Variants in SLC9A9 observed in about 807,000 individuals in gnomAD.
The protein encoded by SLC9A9 is sodium/hydrogen exchanger 9.
A neutral mutation model predicts 77.8 loss-of-function variants in SLC9A9; 62 were observed. The ratio of observed to expected loss-of-function variants is 0.80; its 90% CI spans 0.65 to 0.98. SLC9A9 has a LOEUF of 0.98. SLC9A9 is among the 50% of genes least tolerant of loss of function. The pLI is 0.00. For synonymous variants in SLC9A9, 320 were observed against 283.5 expected (o/e 1.13, Z -1.29); for missense variants, 775 against 774.9 (o/e 1.00, Z 0.00).
chr3:143,575,738 G>T (rs1018065560), intron 7 of SLC9A9, among the ~76,000 whole-genome samples: 3 of 152,138 alleles, frequency 2.0e-5, no homozygotes, highest in Admixed American at 6.6e-5. Flanking sequence ...ACAGCAATCA[G>T]CTATCTAACA....
intron 3 of SLC9A9, among the ~76,000 whole-genome samples, chr3:143,795,580 T>A (rs2108858689): frequency 6.6e-6 from 1 of 152,292 alleles, no homozygotes; most frequent in African/African-American, 2.4e-5. Flanking sequence ...TTTAAAAATC[T>A]ACAACAGCCT....
chr3:143,531,049 C>A (rs896349959), intron 9 of SLC9A9, among the ~76,000 whole-genome samples: 2 of 152,098 alleles, frequency 1.3e-5, no homozygotes, highest in African/African-American at 4.8e-5. Flanking sequence ...CATTATGAGC[C>A]ACAAACATTT....
intron 1 of SLC9A9, among the ~76,000 whole-genome samples, chr3:143,844,060 G>C (rs2009770454): frequency 6.6e-6 from 1 of 151,996 alleles, no homozygotes; most frequent in African/African-American, 2.4e-5. Context: ...TTAATAATAA[G>C]AAAAACCTAT....
At chr3:143,555,956 A>G (rs1402955369) in intron 8 of SLC9A9, among the ~76,000 whole-genome samples, 2 of 152,258 alleles carry the variant, frequency 1.3e-5, no homozygotes, top group Non-Finnish European at 2.9e-5. Flanking sequence ...AGCATACACA[A>G]TCATAATTCC....
At chr3:143,574,329 G>A in intron 7 of SLC9A9, 136 bp from the exon 8 acceptor site, 1 of 747,730 alleles carries the variant, frequency 1.3e-6, no homozygotes, top group Admixed American at 2.1e-5. Context: ...TGACTGGAAG[G>A]CCATAATTCT....
chr3:143,379,952 C>A (rs754379540), intron 13 of SLC9A9, among the ~76,000 whole-genome samples: 4 of 152,062 alleles, frequency 2.6e-5, no homozygotes, highest in Admixed American at 6.6e-5. Context: ...TTTAAGCTGC[C>A]TCCAATCATC....
chr3:143,839,894 G>A (rs2009664263), intron 1 of SLC9A9, among the ~76,000 whole-genome samples: 1 of 152,168 alleles, frequency 6.6e-6, no homozygotes, highest in Non-Finnish European at 1.5e-5. Flanking sequence ...ACATTACAAA[G>A]TGTTATAGAC....
chr3:143,657,959 C>T (rs1304160719), intron 5 of SLC9A9, among the ~76,000 whole-genome samples: 6 of 152,078 alleles, frequency 3.9e-5, no homozygotes, highest in African/African-American at 9.7e-5. Flanking sequence ...CTCTGCCTCC[C>T]GGGCTCAAGT....
chr3:143,425,844 T>A (rs761314861), intron 12 of SLC9A9, among the ~76,000 whole-genome samples: 9 of 152,298 alleles, frequency 5.9e-5, no homozygotes, highest in South Asian at 2.1e-4. Context: ...GTTGCTAACA[T>A]GACAAGATAT....
chr3:143,372,724 G>A (rs1261838489), intron 13 of SLC9A9, among the ~76,000 whole-genome samples: 1 of 152,076 alleles, frequency 6.6e-6, no homozygotes, highest in African/African-American at 2.4e-5. Context: ...CGAGAAACTA[G>A]TGTCCAGAAT....
intron 9 of SLC9A9, among the ~76,000 whole-genome samples, chr3:143,547,043 A>G (rs939464052): frequency 4.6e-5 from 7 of 152,202 alleles, no homozygotes; most frequent in Non-Finnish European, 7.3e-5. Context: ...AGCATTTGGT[A>G]TAATTCATTA....
At chr3:143,788,688 CAAAA>C (rs71140455) in intron 4 of SLC9A9, among the ~76,000 whole-genome samples, 6 of 89,910 alleles carry the variant, frequency 6.7e-5, no homozygotes, top group African/African-American at 1.4e-4. Context: ...GAGACTCCAT[CAAAA>C]AAAAAAAAAA....
chr3:143,549,923 G>A (rs1576570688), intron 9 of SLC9A9, among the ~76,000 whole-genome samples: 1 of 152,122 alleles, frequency 6.6e-6, no homozygotes, highest in African/African-American at 2.4e-5. Flanking sequence ...AAATTAAAAG[G>A]ATTCTGAAAG....
At chr3:143,575,893 T>G (rs1002571606) in intron 7 of SLC9A9, among the ~76,000 whole-genome samples, 1 of 152,024 alleles carries the variant, frequency 6.6e-6, no homozygotes, top group Admixed American at 6.5e-5. Flanking sequence ...TTTATCTCCT[T>G]CATAGCCTGT....
At chr3:143,726,913 TG>T (rs1418461179) in intron 4 of SLC9A9, among the ~76,000 whole-genome samples, 3 of 152,180 alleles carry the variant, frequency 2.0e-5, no homozygotes, top group Non-Finnish European at 4.4e-5. Context: ...CTCATTCCAG[TG>T]CCCCTATGAC....
chr3:143,748,983 G>A (rs1461554097), intron 4 of SLC9A9, among the ~76,000 whole-genome samples: 1 of 152,056 alleles, frequency 6.6e-6, no homozygotes, highest in Non-Finnish European at 1.5e-5. Flanking sequence ...GATTACAGGC[G>A]TGAGCCACCG....
intron 6 of SLC9A9, among the ~76,000 whole-genome samples, chr3:143,616,759 A>G (rs1024781599): frequency 6.6e-6 from 1 of 152,186 alleles, no homozygotes; most frequent in African/African-American, 2.4e-5. Flanking sequence ...GCTTCTCCCA[A>G]GGATGTTTAG....
intron 9 of SLC9A9, among the ~76,000 whole-genome samples, chr3:143,540,465 C>T (rs1451318470): frequency 3.9e-5 from 6 of 152,062 alleles, no homozygotes; most frequent in South Asian, 2.1e-4. Flanking sequence ...TCTGCAGGAA[C>T]GGAGTTCCCT....
chr3:143,319,760 T>C (rs2031349854), intron 14 of SLC9A9, among the ~76,000 whole-genome samples: 1 of 152,212 alleles, frequency 6.6e-6, no homozygotes, highest in South Asian at 2.1e-4. Flanking sequence ...GACAAGCCAG[T>C]AAGGATGTCT....
Sources: allele counts gnomAD v4.1 joint callset (sites outside exome capture counted in the v4.1 genomes callset), GRCh38; gene constraint gnomAD v4.1.1; transcripts MANE v1.5; gene names NCBI Gene and HGNC (gene_info 2026-07-23, HGNC 2026-07-21).